The following MACROD2 variants were observed in gnomAD, a reference collection of about 807,000 sequenced individuals.
MACROD2 encodes the protein mono-ADP ribosylhydrolase 2.
Under a neutral mutation model 70.4 loss-of-function variants are expected in MACROD2, and 36 were observed. The ratio of observed to expected loss-of-function variants is 0.51; its 90% CI spans 0.39 to 0.68. The LOEUF (loss-of-function observed/expected upper bound fraction) is 0.68, where lower values mean the gene tolerates loss of function less well. Ranked by LOEUF, MACROD2 falls within the 30% of genes least tolerant of loss-of-function variation. The pLI, the probability that MACROD2 is intolerant of heterozygous loss-of-function variation, is 0.00. For synonymous variants in MACROD2, 172 were observed against 178.8 expected (o/e 0.96, Z 0.30); for missense variants, 496 against 538.4 (o/e 0.92, Z 0.78).
At chr20:14,342,087 C>T (rs968609345) in intron 3 of MACROD2, among the ~76,000 whole-genome samples, 1 of 152,220 alleles carries the variant, frequency 6.6e-6, no homozygotes, top group African/African-American at 2.4e-5. Flanking sequence ...ATCACAGGTT[C>T]ATTCCCGAAC....
At chr20:15,718,018 C>CTCT (rs2050730741) in intron 8 of MACROD2, among the ~76,000 whole-genome samples, 1 of 140,410 alleles carries the variant, frequency 7.1e-6, no homozygotes, top group African/African-American at 2.6e-5. Context: ...TGTTTTCTCT[C>CTCT]TTTTTTTTTT....
intron 3 of MACROD2, among the ~76,000 whole-genome samples, chr20:14,089,099 C>A (rs1385160507): frequency 6.6e-6 from 1 of 152,174 alleles, no homozygotes; most frequent in Non-Finnish European, 1.5e-5. Flanking sequence ...AGACAGGCAG[C>A]AACTTTTGCT....
At chr20:14,286,682 T>A (rs1009114048) in intron 3 of MACROD2, among the ~76,000 whole-genome samples, 2 of 152,184 alleles carry the variant, frequency 1.3e-5, no homozygotes, top group Non-Finnish European at 2.9e-5. Context: ...ATATAGAGGA[T>A]GTTAATTTGC....
chr20:16,046,675 C>CTTT (rs557907668), intron 17 of MACROD2, among the ~76,000 whole-genome samples: 3,529 of 85,512 alleles, frequency 0.041, 257 homozygotes, highest in East Asian at 0.083. Flanking sequence ...GGTGTCAAAA[C>CTTT]TTTTTTTTTT....
chr20:15,984,929 G>T (rs1405696986), intron 13 of MACROD2, among the ~76,000 whole-genome samples: 1 of 152,102 alleles, frequency 6.6e-6, no homozygotes, highest in Non-Finnish European at 1.5e-5. Context: ...GCTGTTGGGG[G>T]GAAGGGGGTC....
At chr20:14,486,395 A>G (rs1275987908) in intron 3 of MACROD2, among the ~76,000 whole-genome samples, 1 of 152,110 alleles carries the variant, frequency 6.6e-6, no homozygotes, top group African/African-American at 2.4e-5. Flanking sequence ...GACAGATGTT[A>G]AGAGAGAGCC....
chr20:15,809,713 A>T (rs1357530642), intron 8 of MACROD2, among the ~76,000 whole-genome samples: 3 of 152,006 alleles, frequency 2.0e-5, no homozygotes, highest in African/African-American at 7.3e-5. Flanking sequence ...TTGGAGACCA[A>T]ATTTCAACAT....
In MACROD2 at chr20:16,014,796, C is replaced by G. The variant is rs183199991; in HGVS notation, c.1154-26405C>G. On this transcript the variant is annotated intron_variant, in intron 15 of 17. Coordinates refer to ENST00000684519, the MANE Select transcript of MACROD2 (RefSeq NM_001351661.2). ...CCAAGTAAAGACCCCGCTCTCACCT[C>G]CCAAGGTAACTGATTTTCATCCTTT... Among the ~76,000 whole-genome samples the G allele has an allele frequency of 1.2e-3, 179 of 152,316 alleles. 1 individual carries two copies. The Middle Eastern group carries it at 0.037, about 32-fold the overall frequency.
At chr20:14,256,245 G>T (rs184671696) in intron 3 of MACROD2, among the ~76,000 whole-genome samples, 7 of 151,902 alleles carry the variant, frequency 4.6e-5, no homozygotes, top group African/African-American at 1.7e-4. Flanking sequence ...ATTTTTATTT[G>T]TTTTTCTTTT....
chr20:15,322,268 A>G (rs1246541462), intron 6 of MACROD2, among the ~76,000 whole-genome samples: 1 of 143,976 alleles, frequency 6.9e-6, no homozygotes, highest in Admixed American at 7.0e-5. Context: ...GTTTAATTTT[A>G]TATACCAATG....
chr20:14,810,705 A>G (rs1316736577), intron 5 of MACROD2, among the ~76,000 whole-genome samples: 1 of 152,122 alleles, frequency 6.6e-6, no homozygotes, highest in African/African-American at 2.4e-5. Flanking sequence ...CGTCAGCCCA[A>G]AAACTCCTTA....
In MACROD2 at chr20:15,164,415, C is replaced by T. The variant is rs151164335; in HGVS notation, c.419-65525C>T. Among the ~76,000 whole-genome samples the T allele has an allele frequency of 4.3e-3, 648 of 152,052 alleles. 4 individuals are homozygous for T. Among genetic ancestry groups the T allele is most frequent in the Middle Eastern group, 0.034 (10 of 294 alleles). On this transcript the variant is annotated intron_variant, in intron 5 of 17. Coordinates refer to ENST00000684519, the MANE Select transcript of MACROD2 (RefSeq NM_001351661.2). ...GGAGAGAGGCCTTGAACCAACCCCA[C>T]AAAGACAGGAACAACTGTAATTTAT...
At chr20:15,677,671 C>CCAAA (rs2050080880) in intron 8 of MACROD2, among the ~76,000 whole-genome samples, 2 of 19,224 alleles carry the variant, frequency 1.0e-4, no homozygotes, top group Non-Finnish European at 2.6e-4. Context: ...AACCAACCAA[C>CCAAA]CAACCAACCA....
chr20:14,197,675 G>A (rs1043969790), intron 3 of MACROD2, among the ~76,000 whole-genome samples: 4 of 151,972 alleles, frequency 2.6e-5, no homozygotes, highest in African/African-American at 9.7e-5. Context: ...GCTGAGACAG[G>A]ACAATTGCTT....
intron 5 of MACROD2, among the ~76,000 whole-genome samples, chr20:15,213,142 T>C (rs566557917): frequency 6.6e-6 from 1 of 152,300 alleles, no homozygotes; most frequent in East Asian, 1.9e-4. Context: ...ACTGCTACCA[T>C]GGAATTAGGC....
intron 4 of MACROD2, among the ~76,000 whole-genome samples, chr20:14,669,077 C>G (rs1412048307): frequency 1.3e-5 from 2 of 152,112 alleles, no homozygotes; most frequent in Non-Finnish European, 2.9e-5. Context: ...TAAGTTATTT[C>G]TTCATGTGAC....
intron 5 of MACROD2, among the ~76,000 whole-genome samples, chr20:14,707,223 G>A (rs1022508018): frequency 6.6e-6 from 1 of 152,114 alleles, no homozygotes; most frequent in Non-Finnish European, 1.5e-5. Context: ...GTGTGGAGAG[G>A]CTTCACGGAG....
intron 3 of MACROD2, among the ~76,000 whole-genome samples, chr20:14,226,324 C>A (rs2081733022): frequency 6.6e-6 from 1 of 152,158 alleles, no homozygotes; most frequent in South Asian, 2.1e-4. Flanking sequence ...GGATTGAATG[C>A]TGGTGAGAGG....
At chr20:15,127,838 G>A (rs1271459710) in intron 5 of MACROD2, among the ~76,000 whole-genome samples, 1 of 152,062 alleles carries the variant, frequency 6.6e-6, no homozygotes, top group African/African-American at 2.4e-5. Flanking sequence ...ACTACATAGA[G>A]GTGTGAATTA....
Sources: allele counts gnomAD v4.1 joint callset (sites outside exome capture counted in the v4.1 genomes callset), GRCh38; gene constraint gnomAD v4.1.1; transcripts MANE v1.5; gene names NCBI Gene and HGNC (gene_info 2026-07-23, HGNC 2026-07-21).